ZMYM2: variants seen among roughly 807,000 people sequenced by gnomAD.
The protein encoded by ZMYM2 is zinc finger MYM-type containing 2.
In ZMYM2, 56 loss-of-function variants were observed where a neutral mutation model predicts 162.8. The observed-to-expected ratio is 0.34, with a 90% confidence interval of 0.28 to 0.43. The LOEUF (loss-of-function observed/expected upper bound fraction) is 0.43. Among genes scored for constraint, ZMYM2 ranks in the 20% least tolerant of loss-of-function variants. The pLI, the probability that ZMYM2 is intolerant of heterozygous loss-of-function variation, is 1.00. For synonymous variants in ZMYM2, 510 were observed against 541.6 expected, an observed-to-expected ratio of 0.94 and a Z score of 0.81; for missense variants, 1,275 against 1,621.8, an observed-to-expected ratio of 0.79 and a Z score of 3.67.
Position 20,059,433 on chromosome 13 carries a change from T to G in ZMYM2, c.2624-14T>G, listed in dbSNP as rs376481374. On this transcript the variant is annotated splice_polypyrimidine_tract_variant and intron_variant, in intron 15 of 24. Transcript: ENST00000610343. The stretch of plus-strand genomic sequence containing the variant: ...TAGTTAACATTGCTCCTTAAATATG[T>G]TTTGTGTTTTTAGATGATACTTGGA... 3.1e-6 allele frequency: 5 copies of G among 1,612,618 alleles called. No homozygotes were observed. The South Asian group carries it at 4.4e-5, about 14-fold the overall frequency.
At chr13:19,935,432 C>T in the ZMYM2 span, among the ~76,000 whole-genome samples, 1 of 150,746 alleles carries the variant, frequency 6.6e-6, no homozygotes, top group East Asian at 1.9e-4. Context: ...CCACCACGCA[C>T]AGCTGGTGTT....
At chr13:20,011,462 A>G (rs1490105705) in intron 6 of ZMYM2, among the ~76,000 whole-genome samples, 2 of 151,742 alleles carry the variant, frequency 1.3e-5, no homozygotes, top group South Asian at 2.1e-4. Context: ...GATTTTTTGC[A>G]TTTGCGTTGC....
At chr13:19,902,734 CA>C in the ZMYM2 span, among the ~76,000 whole-genome samples, 16 of 151,470 alleles carry the variant, frequency 1.1e-4, no homozygotes, top group Non-Finnish European at 2.4e-4. Context: ...AAAAATTAGC[CA>C]AATACGATGG....
chr13:20,023,369 A>G (rs1438737900), intron 7 of ZMYM2, among the ~76,000 whole-genome samples: 1 of 152,208 alleles, frequency 6.6e-6, no homozygotes, highest in Non-Finnish European at 1.5e-5. Context: ...TTACCTTCCC[A>G]TGTGGTCTAC....
chr13:19,974,035 A>G (rs1167974226), intron 2 of ZMYM2, among the ~76,000 whole-genome samples: 1 of 152,216 alleles, frequency 6.6e-6, no homozygotes, highest in Non-Finnish European at 1.5e-5. Flanking sequence ...GACTTCCATA[A>G]TGTAAAAATG....
At chr13:19,958,190 G>C (rs1407768668), upstream of ZMYM2, among the ~76,000 whole-genome samples, 3 of 152,224 alleles carry the variant, frequency 2.0e-5, no homozygotes, top group Non-Finnish European at 4.4e-5. Flanking sequence ...ACTCGGACCC[G>C]CTCCAGCGCC....
Position 20,031,386 on chromosome 13 carries a change from A to G in ZMYM2, c.1919A>G (p.Asn640Ser), listed in dbSNP as rs751352908. 7 of 1,607,144 alleles carry G rather than the reference A, an allele frequency of 4.4e-6. No individual in the cohort carries two copies. In the East Asian group the frequency reaches 9.0e-5, roughly 21 times the overall value. The change falls in exon 10 of 25, where the codon AAC becomes AGC. Residue 640 changes from asparagine (N) to serine (S), a missense_variant. This residue lies in a region of ZMYM2 where 276 missense variants were observed against 311.8 expected (regional missense o/e 0.89). Transcript: ENST00000610343. ...CCAAGTGATATTCAGTTGAAATGCA[A>G]CTACTGCAAAAATTCCTTTTGTTCA... ...VAPSDIQLKC[N>S]YCKNSFCSKP... is the part of the protein sequence containing the mutation.
intron 22 of ZMYM2, among the ~76,000 whole-genome samples, 169 bp downstream of exon 22, chr13:20,082,299 G>T (rs4769946): frequency 0.23 from 34,549 of 152,044 alleles, 4,860 homozygotes; most frequent in Admixed American, 0.32. Context: ...AACAAATGTG[G>T]TCAATAACTA....
chr13:19,893,439 T>C, the ZMYM2 span, among the ~76,000 whole-genome samples: 3 of 149,362 alleles, frequency 2.0e-5, no homozygotes, highest in Non-Finnish European at 4.4e-5. Flanking sequence ...TTTTATAACA[T>C]TTAACACACA....
chr13:20,042,230 A>G (rs1253506077), intron 12 of ZMYM2, among the ~76,000 whole-genome samples: 2 of 152,062 alleles, frequency 1.3e-5, no homozygotes, highest in African/African-American at 2.4e-5. Context: ...ACGTAATGCC[A>G]TATTTCCTGG....
At chr13:20,002,812 T>A (rs1224276695) in intron 3 of ZMYM2, 38 bp from the exon 4 acceptor site, 4 of 1,595,550 alleles carry the variant, frequency 2.5e-6, no homozygotes, top group Non-Finnish European at 3.4e-6. Context: ...AAACAAACAC[T>A]TGTTTCATTA....
chr13:19,926,914 T>G, the ZMYM2 span, among the ~76,000 whole-genome samples: 2 of 151,858 alleles, frequency 1.3e-5, no homozygotes, highest in African/African-American at 4.8e-5. Context: ...GCAATTTGCC[T>G]GCTTCAGTCT....
rs138002230 is a variant in ZMYM2 at position 19,989,784 on chromosome 13, C to T, written c.-10-3279C>T. Among the ~76,000 whole-genome samples the T allele has an allele frequency of 1.9e-3, 285 of 152,350 alleles. 1 individual carries two copies. The highest frequency in any genetic ancestry group is 6.5e-3 in the African/African-American group (272 of 41,590). On this transcript the variant is annotated intron_variant, in intron 2 of 24. Coordinates refer to ENST00000610343, the MANE Select transcript of ZMYM2 (RefSeq NM_197968.4). ...TTTCTGTGCCCATTAACCCCCACCTCGCCACTACCCTTCTCAGCCTTTGCT... is the reference window on the plus strand; with the variant it reads ...TTTCTGTGCCCATTAACCCCCACCTTGCCACTACCCTTCTCAGCCTTTGCT...
intron 21 of ZMYM2, among the ~76,000 whole-genome samples, chr13:20,078,238 T>A (rs898402847): frequency 6.6e-6 from 1 of 152,232 alleles, no homozygotes; most frequent in Non-Finnish European, 1.5e-5. Context: ...ATTGATAGCT[T>A]AAATTAATGG....
intron 15 of ZMYM2, 51 bp from the exon 16 acceptor site, chr13:20,059,396 G>A: frequency 6.3e-7 from 1 of 1,595,084 alleles, no homozygotes; most frequent in African/African-American, 1.3e-5. Context: ...TTGAGCACCT[G>A]TATATAAGTG....
intron 2 of ZMYM2, among the ~76,000 whole-genome samples, chr13:19,985,786 GAATT>G (rs1477465211): frequency 4.6e-5 from 7 of 152,056 alleles, no homozygotes; most frequent in Admixed American, 4.6e-4. Flanking sequence ...TGAGGCACAA[GAATT>G]ACTTGAACCC....
chr13:20,019,878 G>A (rs1165821557), intron 7 of ZMYM2: 26 of 391,460 alleles, frequency 6.6e-5, no homozygotes, highest in Non-Finnish European at 3.3e-5. Context: ...TTTTTTTAGT[G>A]CACAATACCT....
the ZMYM2 span, among the ~76,000 whole-genome samples, chr13:19,884,724 A>T: frequency 1.3e-5 from 2 of 152,146 alleles, no homozygotes; most frequent in African/African-American, 4.8e-5. Flanking sequence ...TCCAGAAAAA[A>T]AGACACAAAC....
the ZMYM2 span, among the ~76,000 whole-genome samples, chr13:19,879,354 T>C: frequency 6.6e-6 from 1 of 152,178 alleles, no homozygotes; most frequent in African/African-American, 2.4e-5. Context: ...GGTGGGCAAA[T>C]TGCTTGAACT....
Sources: allele counts gnomAD v4.1 joint callset (sites outside exome capture counted in the v4.1 genomes callset), GRCh38; gene constraint gnomAD v4.1.1; regional missense constraint gnomAD v4.1.1; transcripts MANE v1.5; gene names NCBI Gene and HGNC (gene_info 2026-07-23, HGNC 2026-07-21).